Variants in MOB3B observed in about 807,000 individuals in gnomAD.
The protein encoded by MOB3B is MOB kinase activator 3B.
Under a neutral mutation model 18.7 loss-of-function variants are expected in MOB3B, and 7 were observed. That is an observed-to-expected ratio of 0.37 (90% CI 0.21 to 0.70). The LOEUF is 0.70. Ranked by LOEUF, MOB3B falls within the 30% of genes least tolerant of loss-of-function variation. MOB3B has a pLI of 0.52. For missense variants in MOB3B, 253 were observed against 281.3 expected, an observed-to-expected ratio of 0.90 and a Z score of 0.72; for synonymous variants, 111 against 99.9, an observed-to-expected ratio of 1.11 and a Z score of -0.66.
At chr9:27,352,895 T>C (rs1821126609) in intron 3 of MOB3B, among the ~76,000 whole-genome samples, 1 of 152,226 alleles carries the variant, frequency 6.6e-6, no homozygotes, top group South Asian at 2.1e-4. Context: ...GGCTTTGATA[T>C]GCTATTGTAC....
chr9:27,479,434 T>A (rs1819612573), intron 1 of MOB3B, among the ~76,000 whole-genome samples: 1 of 152,152 alleles, frequency 6.6e-6, no homozygotes, highest in Admixed American at 6.5e-5. Flanking sequence ...AGCACATGAA[T>A]TTTAGGAGAC....
intron 2 of MOB3B, among the ~76,000 whole-genome samples, chr9:27,387,795 G>A (rs969282061): frequency 2.0e-5 from 3 of 152,272 alleles, no homozygotes; most frequent in African/African-American, 7.2e-5. Context: ...TTGAAAGACA[G>A]AAAGTACAGG....
intron 2 of MOB3B, among the ~76,000 whole-genome samples, chr9:27,412,146 AAACT>A (rs1315417166): frequency 6.6e-6 from 1 of 151,988 alleles, no homozygotes; most frequent in Non-Finnish European, 1.5e-5. Context: ...AAACAAAAAC[AAACT>A]GAGGCTTTTC....
chr9:27,402,326 G>A (rs935456450), intron 2 of MOB3B, among the ~76,000 whole-genome samples: 3 of 152,176 alleles, frequency 2.0e-5, no homozygotes, highest in Admixed American at 2.0e-4. Context: ...CAAGCTCCAT[G>A]AGAGCCTGGA....
chr9:27,527,985 C>T (rs1160077054), intron 1 of MOB3B, among the ~76,000 whole-genome samples: 1 of 152,220 alleles, frequency 6.6e-6, no homozygotes, highest in Non-Finnish European at 1.5e-5. Context: ...GCCACTTGTT[C>T]TCTGGGACGT....
intron 2 of MOB3B, chr9:27,397,328 G>A (rs1330475249): frequency 6.6e-6 from 1 of 151,194 alleles, no homozygotes; most frequent in Admixed American, 6.6e-5. Context: ...AGATCATCAA[G>A]ATTGCTATAT....
intron 3 of MOB3B, among the ~76,000 whole-genome samples, chr9:27,333,278 A>T (rs1820814619): frequency 6.6e-6 from 1 of 152,060 alleles, no homozygotes; most frequent in Non-Finnish European, 1.5e-5. Flanking sequence ...TTTGAGTTGG[A>T]TCCATCCTTC....
At position 27,431,176 on chromosome 9, in the gene MOB3B, G is replaced by A. The variant is rs1322371623; in HGVS notation, c.418+23957C>T. On this transcript the variant is annotated intron_variant, in intron 2 of 3. Coordinates refer to ENST00000262244, the MANE Select transcript of MOB3B (RefSeq NM_024761.5). The stretch of plus-strand genomic sequence containing the variant: ...CAGTATTCTTTATATTCTCAAAGGA[G>A]GAGAAGCTAGATCACCCTACAATTT... Among the ~76,000 whole-genome samples the A allele has an allele frequency of 3.9e-5, 6 of 152,218 alleles. No homozygotes were observed. The East Asian group carries it at 1.2e-3, about 29-fold the overall frequency.
chr9:27,517,219 G>C (rs1444704082), intron 1 of MOB3B, among the ~76,000 whole-genome samples: 1 of 152,136 alleles, frequency 6.6e-6, no homozygotes, highest in Non-Finnish European at 1.5e-5. Flanking sequence ...AGGAACCTCT[G>C]CAAGGGACTG....
rs140466917 is a variant in MOB3B, at chr9:27,400,780, T to C, written c.419-41544A>G. ...ATGGTTCTTCTAGTGTTACATTAAA[T>C]GTTTAAGACAATCACTCAAAGGGGG... On this transcript the variant is annotated intron_variant, in intron 2 of 3. Transcript: ENST00000262244. Among the ~76,000 whole-genome samples, 354 of 152,334 alleles carry C rather than the reference T, an allele frequency of 2.3e-3. 2 individuals carry two copies. The highest frequency in any genetic ancestry group is 0.01 in the Middle Eastern group (3 of 294).
At chr9:27,515,970 G>C (rs1587272347) in intron 1 of MOB3B, among the ~76,000 whole-genome samples, 2 of 152,206 alleles carry the variant, frequency 1.3e-5, no homozygotes, top group East Asian at 3.8e-4. Flanking sequence ...AGTGTAACAA[G>C]TAGTGTGCTG....
intron 1 of MOB3B, among the ~76,000 whole-genome samples, chr9:27,475,052 T>C (rs1336904580): frequency 6.6e-6 from 1 of 152,110 alleles, no homozygotes; most frequent in Non-Finnish European, 1.5e-5. Context: ...TATAAAACAC[T>C]GTGACCTCTC....
At chr9:27,501,518 C>A (rs969456298) in intron 1 of MOB3B, among the ~76,000 whole-genome samples, 14 of 151,106 alleles carry the variant, frequency 9.3e-5, no homozygotes, top group African/African-American at 2.7e-4. Context: ...CCAAACACTG[C>A]ATGTTCTCAC....
intron 1 of MOB3B, among the ~76,000 whole-genome samples, chr9:27,478,119 T>C (rs930896265): frequency 2.0e-5 from 3 of 152,212 alleles, no homozygotes; most frequent in Non-Finnish European, 4.4e-5. Context: ...CAAATTTACA[T>C]TGTTTAGGCT....
intron 2 of MOB3B, among the ~76,000 whole-genome samples, chr9:27,385,167 C>T (rs934017556): frequency 6.6e-6 from 1 of 152,208 alleles, no homozygotes; most frequent in South Asian, 2.1e-4. Flanking sequence ...TTTGCCTGAA[C>T]ATGTTTTCTT....
intron 2 of MOB3B, among the ~76,000 whole-genome samples, chr9:27,395,538 T>G (rs1327887684): frequency 6.6e-6 from 1 of 152,234 alleles, no homozygotes; most frequent in Non-Finnish European, 1.5e-5. Flanking sequence ...GTTGCTAGCC[T>G]GCTCACTGAT....
chr9:27,511,991 CT>C (rs1820153800), intron 1 of MOB3B, among the ~76,000 whole-genome samples: 1 of 140,192 alleles, frequency 7.1e-6, no homozygotes, highest in South Asian at 2.3e-4. Context: ...TGGAATGGGA[CT>C]GACAGTGTTG....
chr9:27,412,437 T>C (rs972936114), intron 2 of MOB3B, among the ~76,000 whole-genome samples: 1 of 152,226 alleles, frequency 6.6e-6, no homozygotes, highest in Admixed American at 6.5e-5. Flanking sequence ...AACCCATTCA[T>C]GCAATATACT....
chr9:27,400,576 A>G (rs1041025704), intron 2 of MOB3B, among the ~76,000 whole-genome samples: 1 of 152,210 alleles, frequency 6.6e-6, no homozygotes, highest in African/African-American at 2.4e-5. Flanking sequence ...TCAGAGGAAC[A>G]TTTGTATATT....
Sources: allele counts gnomAD v4.1 joint callset (sites outside exome capture counted in the v4.1 genomes callset), GRCh38; gene constraint gnomAD v4.1.1; transcripts MANE v1.5; gene names NCBI Gene and HGNC (gene_info 2026-07-23, HGNC 2026-07-21).